PLBD2: variants seen among roughly 807,000 people sequenced by gnomAD.
PLBD2 encodes the protein phospholipase B domain containing 2, also known as putative aminopeptidase PLBD2.
PLBD2 carries 51 observed loss-of-function variants against 68.3 expected under a neutral mutation model. The ratio of observed to expected loss-of-function variants is 0.75; its 90% CI spans 0.60 to 0.94. The LOEUF is 0.94. Ranked by LOEUF, PLBD2 falls within the 40% of genes least tolerant of loss-of-function variation. The pLI, the probability that PLBD2 is intolerant of heterozygous loss-of-function variation, is 0.00. For missense variants in PLBD2, 729 were observed against 792.2 expected, an observed-to-expected ratio of 0.92 and a Z score of 0.96; for synonymous variants, 314 against 339.3, an observed-to-expected ratio of 0.93 and a Z score of 0.82.
At chr12:113,377,029 T>C (rs1957443133) in intron 5 of PLBD2, 1 of 152,204 alleles carries the variant, frequency 6.6e-6, no homozygotes, top group Non-Finnish European at 1.5e-5. Flanking sequence ...GAGTATGCGT[T>C]GGCACAGCTA....
chr12:113,366,206 C>G (rs1170126667), intron 1 of PLBD2, among the ~76,000 whole-genome samples: 3 of 152,186 alleles, frequency 2.0e-5, no homozygotes, highest in African/African-American at 7.2e-5. Context: ...TCCCACGAGA[C>G]AGCCCTGGCC....
intron 1 of PLBD2, among the ~76,000 whole-genome samples, chr12:113,363,687 G>A (rs1020858590): frequency 1.3e-5 from 2 of 151,764 alleles, no homozygotes; most frequent in Admixed American, 6.6e-5. Context: ...ACAGGTGCCC[G>A]CCCCCACGCC....
rs1403870970 is a variant in PLBD2, at chr12:113,388,644, G to A, written c.*18G>A. ...GGGACTGAAGTTCTGTCCCTGCTCT[G>A]CTGCTTTCGCCCCTGCTGACCCTCG... On this transcript the variant is annotated 3_prime_UTR_variant, in exon 12 of 12. Coordinates refer to ENST00000280800, the MANE Select transcript of PLBD2 (RefSeq NM_173542.4). The A allele has an allele frequency of 9.0e-6, 14 of 1,547,524 alleles. No individual in the cohort carries two copies. The East Asian group carries it at 1.9e-4, about 21-fold the overall frequency.
chr12:113,391,489 A>G lies in PLBD2; in HGVS notation c.*2863A>G, dbSNP rs1325103395. 1 of 152,222 alleles carries G rather than the reference A, an allele frequency of 6.6e-6. No homozygotes were observed. Among genetic ancestry groups the G allele is most frequent in the Non-Finnish European group, 1.5e-5 (1 of 68,046 alleles). The allele number at this position is 152,222 out of a possible 1,614,324, so 9.4% of individuals were successfully genotyped here. ...TGAGGTCCCGGGGATACTTTATAAC[A>G]AAAGGGACAGAAGCATTCCTGCTCT... is the stretch of plus-strand genomic sequence containing the variant. On this transcript the variant is annotated 3_prime_UTR_variant, in exon 12 of 12. Transcript: ENST00000280800.
chr12:113,380,795 G>A lies in PLBD2; in HGVS notation c.910G>A (p.Gly304Ser), dbSNP rs773654982. Residue 304 changes from glycine to serine, a missense_variant, in exon 6 of 12, where the codon GGC (glycine) becomes AGC (serine). Coordinates refer to ENST00000280800, the MANE Select transcript of PLBD2 (RefSeq NM_173542.4). ...CAAGCTGGTCTTCTCCTCCTACCCC[G>A]GCACCATCTTCTCCTGCGACGACTT... ...GNKLVFSSYP[G>S]TIFSCDDFYI... is the part of the protein sequence containing the mutation. The A allele has an allele frequency of 7.1e-6, 11 of 1,556,864 alleles. No individual in the cohort carries two copies. The African/African-American group carries it at 8.2e-5, about 12-fold the overall frequency.
chr12:113,386,423 A>T (rs1957553380), intron 9 of PLBD2, among the ~76,000 whole-genome samples: 1 of 140,258 alleles, frequency 7.1e-6, no homozygotes, highest in Admixed American at 7.3e-5. Context: ...GTGCGATCTC[A>T]GCTTGCTGCA....
rs75912178 is a variant in PLBD2 at position 113,380,519 on chromosome 12, T to C, written c.860-226T>C. ...TCCAAGGATGTGGAACCCACGGACA[T>C]GGAGGGCCAACTATATAAGTTTTGC... On this transcript the variant is annotated intron_variant, in intron 5 of 11. Transcript: ENST00000280800. Among the ~76,000 whole-genome samples, 938 of 152,284 alleles carry C rather than the reference T, an allele frequency of 6.2e-3. 9 individuals carry two copies. The highest frequency in any genetic ancestry group is 0.031 in the South Asian group (148 of 4,816).
In PLBD2 at chr12:113,370,462, T is replaced by TTTTTC. The variant is rs1291498192; in HGVS notation, c.384+1263_384+1267dup. 6.2e-4 allele frequency among the ~76,000 whole-genome samples: 93 copies of TTTTTC among 150,170 alleles called. 1 individual carries two copies. The highest frequency in any genetic ancestry group is 1.2e-3 in the African/African-American group (49 of 40,586). On this transcript the variant is annotated intron_variant, in intron 2 of 11. Coordinates refer to ENST00000280800, the MANE Select transcript of PLBD2 (RefSeq NM_173542.4). ...TCAGATAGTACCTAGTGTAATTTTC[T>TTTTTC]TTTTCTTTTCTTTTTTTTTTTTTTT... is the stretch of plus-strand genomic sequence containing the variant.
intron 1 of PLBD2, among the ~76,000 whole-genome samples, chr12:113,365,954 A>T (rs1175862008): frequency 6.6e-6 from 1 of 152,042 alleles, no homozygotes; most frequent in Non-Finnish European, 1.5e-5. Context: ...CATAATGGTT[A>T]CCCCGTTATG....
chr12:113,388,272 G>A (rs945354839), intron 11 of PLBD2, among the ~76,000 whole-genome samples, 187 bp from the exon 12 acceptor site: 4 of 151,958 alleles, frequency 2.6e-5, no homozygotes, highest in Non-Finnish European at 5.9e-5. Flanking sequence ...AACCCGGGAG[G>A]CAGAGGTTGC....
Position 113,380,771 on chromosome 12 carries a change from A to C in PLBD2, c.886A>C (p.Lys296Gln). Residue 296 changes from lysine (K) to glutamine (Q), a missense_variant, in exon 6 of 12, where the codon AAG (lysine) becomes CAG (glutamine). Transcript: ENST00000280800. ...GGACTACCCGCTGGTTCCCGGCAACAAGCTGGTCTTCTCCTCCTACCCCGG... is the reference window on the plus strand; with the variant it reads ...GGACTACCCGCTGGTTCCCGGCAACCAGCTGGTCTTCTCCTCCTACCCCGG... Reference protein sequence around the residue: ...WGDYPLVPGNKLVFSSYPGTI... With the variant: ...WGDYPLVPGNQLVFSSYPGTI... 2 of 1,553,526 alleles carry C rather than the reference A, an allele frequency of 1.3e-6. No individual in the cohort carries two copies. Among genetic ancestry groups the C allele is most frequent in the East Asian group, 4.8e-5 (2 of 41,366 alleles).
chr12:113,391,372 GA>G lies in PLBD2; in HGVS notation c.*2747del, dbSNP rs1326811183. 1 of 152,260 alleles carries G rather than the reference GA, an allele frequency of 6.6e-6. No homozygotes were observed. Among genetic ancestry groups the G allele is most frequent in the Non-Finnish European group, 1.5e-5 (1 of 68,056 alleles). 9.4% of individuals were successfully genotyped at this position (152,260 alleles called of 1,614,324 possible). On this transcript the variant is annotated 3_prime_UTR_variant, in exon 12 of 12. Transcript: ENST00000280800. ...TGGTGTGAGCAGCGTTTCCCTGGGG[GA>G]TGTGATGCAGCCCACTTGGGGCCTC...
At position 113,387,870 on chromosome 12, in the gene PLBD2, CCTGCGTCAGCG is replaced by C; in HGVS notation, c.1569_1579del (p.Arg524ProfsTer101). 1 of 1,614,230 alleles carries C rather than the reference CCTGCGTCAGCG, an allele frequency of 6.2e-7. No homozygotes were observed. The highest frequency in any genetic ancestry group is 8.5e-7 in the Non-Finnish European group (1 of 1,180,038). The stretch of plus-strand genomic sequence containing the variant: ...CCAATGGCTCCTACCCCTTCCAGGC[CCTGCGTCAGCG>C]CTCCCATGGGGGTATCGATGTGAAG... On this transcript the variant is annotated frameshift_variant, in exon 11 of 12. Transcript: ENST00000280800. LOFTEE classifies it high-confidence loss of function.
At chr12:113,374,446 C>T in intron 3 of PLBD2, 28 bp from the exon 4 acceptor site, 1 of 1,449,632 alleles carries the variant, frequency 6.9e-7, no homozygotes. Context: ...AGGCCTCACC[C>T]TCCCTCTGCC....
At chr12:113,380,533 T>C (rs1398465204) in intron 5 of PLBD2, among the ~76,000 whole-genome samples, 1 of 152,230 alleles carries the variant, frequency 6.6e-6, no homozygotes, top group Non-Finnish European at 1.5e-5. Flanking sequence ...GGGCCAACTA[T>C]ATAAGTTTTG....
rs1565864430 is a variant in PLBD2, at chr12:113,384,020, A to AT, written c.958-80dup. The AT allele has an allele frequency of 2.4e-5, 24 of 991,992 alleles. No individual in the cohort carries two copies. Among genetic ancestry groups the AT allele is most frequent in the African/African-American group, 1.2e-4 (7 of 58,776 alleles). The allele number at this position is 991,992 out of a possible 1,614,324, so 61.4% of individuals were successfully genotyped here. A position where few individuals can be genotyped will look rare whatever the true frequency, so the allele number is the denominator to read the frequency against. On this transcript the variant is annotated intron_variant, in intron 6 of 11. Transcript: ENST00000280800. The surrounding 1 kb of genome is among the most constrained non-coding windows in gnomAD (Gnocchi z 4.2). ...TCAAAAAAAAAAAAAAAAAAAAAAAATTTTTGGAGCCATGACTGATGAAGT... is the reference window on the plus strand; with the variant it reads ...TCAAAAAAAAAAAAAAAAAAAAAAAATTTTTTGGAGCCATGACTGATGAAGT...
At chr12:113,380,702 G>A (rs374002690) in intron 5 of PLBD2, 43 bp from the exon 6 acceptor site, 145 of 1,507,682 alleles carry the variant, frequency 9.6e-5, no homozygotes, top group Non-Finnish European at 1.2e-4. Flanking sequence ...GCCTCCACCT[G>A]TGCCTGTCTG....
At chr12:113,380,163 G>T (rs1957473277) in intron 5 of PLBD2, among the ~76,000 whole-genome samples, 1 of 151,896 alleles carries the variant, frequency 6.6e-6, no homozygotes, top group Admixed American at 6.6e-5. Flanking sequence ...TTTAGATGGA[G>T]TCTCACTCTG....
chr12:113,387,078 C>A lies in PLBD2; in HGVS notation c.1428C>A (p.Val476=). The stretch of plus-strand genomic sequence containing the variant: ...TGGTACAAGACATGGACTCCATGGT[C>A]AGGCTGATGAGGTAGGTGCCAGTTG... ...QSLVQDMDSM[V]RLMRYNDFLH... is the part of the protein sequence containing the mutation. Residue 476 remains valine, a synonymous_variant, in exon 10 of 12, where the codon GTC becomes GTA. Coordinates refer to ENST00000280800, the MANE Select transcript of PLBD2 (RefSeq NM_173542.4). The A allele has an allele frequency of 6.3e-7, 1 of 1,593,426 alleles. No individual in the cohort carries two copies. Among genetic ancestry groups the A allele is most frequent in the South Asian group, 1.1e-5 (1 of 87,834 alleles).
Sources: gnomAD v4.1 joint callset for allele counts (sites outside exome capture counted in the v4.1 genomes callset) on GRCh38, gnomAD v4.1.1 for gene constraint, Gnocchi (gnomAD v3.1) non-coding constraint, MANE v1.5 for transcripts, NCBI Gene and HGNC (gene_info 2026-07-23, HGNC 2026-07-21) for gene names.